Variants in ADAM32 observed in about 807,000 individuals in gnomAD.
ADAM32 encodes the protein disintegrin and metalloproteinase domain-containing protein 32.
In ADAM32, 89 loss-of-function variants were observed where a neutral mutation model predicts 114.9. That is an observed-to-expected ratio of 0.77 (90% CI 0.65 to 0.92). The LOEUF is 0.92. ADAM32 is among the 40% of genes least tolerant of loss of function. The pLI is 0.00. For missense variants in ADAM32, 870 were observed against 932.8 expected, an observed-to-expected ratio of 0.93 and a Z score of 0.88; for synonymous variants, 285 against 307.5, an observed-to-expected ratio of 0.93 and a Z score of 0.77.
At chr8:39,237,879 C>A (rs1369603269) in intron 16 of ADAM32, among the ~76,000 whole-genome samples, 3 of 152,192 alleles carry the variant, frequency 2.0e-5, no homozygotes, top group African/African-American at 7.2e-5. Flanking sequence ...TGAATACTTA[C>A]CTGGGTGACC....
chr8:39,261,435 A>G (rs1466179676), intron 19 of ADAM32, among the ~76,000 whole-genome samples: 2 of 152,176 alleles, frequency 1.3e-5, no homozygotes, highest in African/African-American at 4.8e-5. Context: ...GTGTATCTAC[A>G]CCACATTTTC....
chr8:39,171,533 AT>A (rs1805197009), intron 10 of ADAM32, among the ~76,000 whole-genome samples: 1 of 152,056 alleles, frequency 6.6e-6, no homozygotes, highest in East Asian at 1.9e-4. Flanking sequence ...ATACTTAAAC[AT>A]TTTTTATTAC....
chr8:39,174,560 C>A (rs1216353529), intron 10 of ADAM32, among the ~76,000 whole-genome samples: 1 of 151,700 alleles, frequency 6.6e-6, no homozygotes, highest in African/African-American at 2.4e-5. Flanking sequence ...GCACAATGTG[C>A]AGGTTAGTTA....
At chr8:39,123,583 C>T (rs993318718) in intron 2 of ADAM32, among the ~76,000 whole-genome samples, 22 of 151,880 alleles carry the variant, frequency 1.4e-4, no homozygotes, top group African/African-American at 4.1e-4. Flanking sequence ...TAATATGTAT[C>T]GATTAATTTG....
chr8:39,252,862 A>C (rs930733571), intron 17 of ADAM32, among the ~76,000 whole-genome samples: 2 of 151,684 alleles, frequency 1.3e-5, no homozygotes, highest in African/African-American at 4.8e-5. Flanking sequence ...GACTGAATCA[A>C]GAATAAATAG....
intron 3 of ADAM32, among the ~76,000 whole-genome samples, chr8:39,143,192 C>G (rs529787983): frequency 7.2e-5 from 11 of 152,308 alleles, no homozygotes; most frequent in African/African-American, 2.6e-4. Flanking sequence ...TACCGACCTT[C>G]TGAAGCCTAC....
At chr8:39,269,167 C>T (rs1422366647) in intron 19 of ADAM32, among the ~76,000 whole-genome samples, 3 of 152,168 alleles carry the variant, frequency 2.0e-5, no homozygotes, top group African/African-American at 7.2e-5. Context: ...AGCTGCCTTG[C>T]CCTTCCTAGG....
chr8:39,251,465 ATGT>A (rs1184147295), intron 17 of ADAM32, among the ~76,000 whole-genome samples: 2 of 151,804 alleles, frequency 1.3e-5, no homozygotes, highest in Non-Finnish European at 3.0e-5. Context: ...ATAATTAGTG[ATGT>A]TGAACATTTT....
At chr8:39,232,161 C>T in intron 15 of ADAM32, 26 bp downstream of exon 15, 1 of 1,518,900 alleles carries the variant, frequency 6.6e-7, no homozygotes, top group Non-Finnish European at 9.0e-7. Flanking sequence ...ATAAATGATA[C>T]TTTTCTTATA....
Position 39,234,036 on chromosome 8 carries a change from C to A in ADAM32, c.1772C>A (p.Pro591Gln). The A allele has an allele frequency of 6.6e-7, 1 of 1,511,756 alleles. No individual in the cohort carries two copies. Among genetic ancestry groups the A allele is most frequent in the Admixed American group, 2.1e-5 (1 of 48,138 alleles). The allele number at this position is 1,511,756 out of a possible 1,614,324, so 93.6% of individuals were successfully genotyped here. A position where few individuals can be genotyped will look rare whatever the true frequency, so the allele number is the denominator to read the frequency against. ...GACTACAAATTGCCTCGAACAGTTC[C>A]AGATCCACTGGCTGTCAAAAATGGC... ...TVDYKLPRTV[P>Q]DPLAVKNGSQ... The change falls in exon 16 of 25, where the codon CCA becomes CAA. Residue 591 changes from proline (P) to glutamine (Q), a missense_variant. Pro to Gln is a moderately conservative substitution (Grantham distance 76). Transcript: ENST00000379907.
intron 16 of ADAM32, among the ~76,000 whole-genome samples, chr8:39,236,167 AT>A (rs1364078732): frequency 7.9e-5 from 12 of 152,330 alleles, no homozygotes; most frequent in African/African-American, 2.9e-4. Context: ...CCATAATATA[AT>A]GATAGACAAC....
At chr8:39,215,137 T>C (rs1441167575) in intron 12 of ADAM32, among the ~76,000 whole-genome samples, 1 of 152,134 alleles carries the variant, frequency 6.6e-6, no homozygotes, top group Non-Finnish European at 1.5e-5. Context: ...TTCTTTTTGC[T>C]CAGGATAGCT....
At chr8:39,250,453 C>T (rs1385403048) in intron 17 of ADAM32, among the ~76,000 whole-genome samples, 1 of 151,922 alleles carries the variant, frequency 6.6e-6, no homozygotes, top group East Asian at 1.9e-4. Context: ...TTTTATCTGT[C>T]TGCCTACACT....
chr8:39,185,856 A>G (rs989509058), intron 10 of ADAM32, among the ~76,000 whole-genome samples: 3 of 152,130 alleles, frequency 2.0e-5, no homozygotes, highest in Middle Eastern at 3.4e-3. Context: ...TAGTGAGACT[A>G]ATGTTCCAGC....
At chr8:39,178,715 G>C (rs1441876430) in intron 10 of ADAM32, among the ~76,000 whole-genome samples, 1 of 152,018 alleles carries the variant, frequency 6.6e-6, no homozygotes, top group Non-Finnish European at 1.5e-5. Context: ...CTTTTTTGTT[G>C]ATGTTATTTT....
chr8:39,152,567 C>T (rs933115580), intron 6 of ADAM32, among the ~76,000 whole-genome samples: 3 of 151,490 alleles, frequency 2.0e-5, no homozygotes, highest in Non-Finnish European at 4.4e-5. Flanking sequence ...ACTAAAAATA[C>T]AAAGATTAGT....
intron 3 of ADAM32, among the ~76,000 whole-genome samples, chr8:39,145,124 G>C (rs1803422076): frequency 6.6e-6 from 1 of 152,122 alleles, no homozygotes; most frequent in Non-Finnish European, 1.5e-5. Context: ...TGAAAGATCT[G>C]TATACTGAGA....
intron 18 of ADAM32, among the ~76,000 whole-genome samples, chr8:39,255,029 G>T (rs1293536701): frequency 2.6e-5 from 4 of 151,952 alleles, no homozygotes; most frequent in Middle Eastern, 3.4e-3. Context: ...CTCCATCCAG[G>T]TTGCTGCGAA....
chr8:39,283,642 T>C lies in ADAM32; in HGVS notation c.2357+18T>C, dbSNP rs1319835981. ...AGCAGTAGGTAAGTATATTAGAAGG[T>C]GTTTCTTAAAATAAATACATGTATA... On this transcript the variant is annotated intron_variant, in intron 24 of 24. Transcript: ENST00000379907. 2 of 1,576,438 alleles carry C rather than the reference T, an allele frequency of 1.3e-6. No homozygotes were observed. Among genetic ancestry groups the C allele is most frequent in the African/African-American group, 1.4e-5 (1 of 72,280 alleles).
Sources: allele counts gnomAD v4.1 joint callset (sites outside exome capture counted in the v4.1 genomes callset), GRCh38; gene constraint gnomAD v4.1.1; transcripts MANE v1.5; gene names NCBI Gene and HGNC (gene_info 2026-07-23, HGNC 2026-07-21).